KIF3B: variants seen among roughly 807,000 people sequenced by gnomAD.
KIF3B encodes kinesin-like protein KIF3B.
A neutral mutation model predicts 74.3 loss-of-function variants in KIF3B; 38 were observed. That is an observed-to-expected ratio of 0.51 (90% CI 0.39 to 0.67). The LOEUF is 0.67. Ranked by LOEUF, KIF3B falls within the 30% of genes least tolerant of loss-of-function variation. The pLI is 0.00. For synonymous variants in KIF3B, 326 were observed against 342.5 expected (o/e 0.95, Z 0.53); for missense variants, 649 against 932.0 (o/e 0.70, Z 3.95).
chr20:32,288,270 C>A (rs914487599), intron 1 of KIF3B, among the ~76,000 whole-genome samples: 4 of 152,028 alleles, frequency 2.6e-5, no homozygotes, highest in Admixed American at 2.0e-4. Flanking sequence ...GGGAAGATTG[C>A]TTGAGGCCAG....
intron 1 of KIF3B, among the ~76,000 whole-genome samples, chr20:32,308,559 C>T (rs1163121723): frequency 1.3e-5 from 2 of 151,844 alleles, no homozygotes; most frequent in Non-Finnish European, 2.9e-5. Flanking sequence ...TACAGGTGCC[C>T]ACCACCACGC....
In KIF3B at chr20:32,331,319, A is replaced by G; in HGVS notation, c.2244A>G (p.Ter748=). 6.2e-7 allele frequency: 1 copy of G among 1,605,740 alleles called. No homozygotes were observed. Among genetic ancestry groups the G allele is most frequent in the Non-Finnish European group, 8.5e-7 (1 of 1,176,928 alleles). Reference sequence around the variant, plus strand: ...AGTCTCGGGGGCTGGTTCCAAAGTAAAGCCAGCTTCTCCTCTCCCAGGGCG... The same window carrying G: ...AGTCTCGGGGGCTGGTTCCAAAGTAGAGCCAGCTTCTCCTCTCCCAGGGCG... ...YPQSRGLVPK[*] is the part of the protein sequence containing the mutation. The change falls in exon 9 of 9, where the codon TAA becomes TAG. Residue 748 remains the stop codon, a stop_retained_variant. Transcript: ENST00000375712.
rs2047900826 is a variant in KIF3B at position 32,325,747 on chromosome 20, AACCTCTGCC to A, written c.1749-1023_1749-1015del. ...CAGTGGTGTGATCTCGGCTCACTGC[AACCTCTGCC>A]CTCTGGGTTCAAGTGATTCTCCTGT... On this transcript the variant is annotated intron_variant, in intron 5 of 8. Coordinates refer to ENST00000375712, the MANE Select transcript of KIF3B (RefSeq NM_004798.4). Among the ~76,000 whole-genome samples the A allele has an allele frequency of 4.6e-5, 6 of 130,402 alleles. 1 individual carries two copies. The East Asian group carries it at 1.5e-3, about 32-fold the overall frequency. The allele number at this position is 130,402 out of a possible 152,430, so 85.5% of individuals were successfully genotyped here.
chr20:32,326,377 C>T (rs747417565), intron 5 of KIF3B, among the ~76,000 whole-genome samples: 6 of 152,090 alleles, frequency 3.9e-5, no homozygotes, highest in Non-Finnish European at 8.8e-5. Context: ...AAGTTAATGA[C>T]CTTGGTTATC....
rs576113168 is a variant in KIF3B at position 32,282,675 on chromosome 20, C to T, written c.-66+4910C>T. Among the ~76,000 whole-genome samples the T allele has an allele frequency of 1.1e-4, 17 of 152,270 alleles. No individual in the cohort carries two copies. In the South Asian group the frequency reaches 2.7e-3, roughly 24 times the overall value. On this transcript the variant is annotated intron_variant, in intron 1 of 8. Transcript: ENST00000375712. ...TGCTGTTGGCATTGCAGTGCTGACT[C>T]GGGATCTTGGCTGAGGGAGCCTGGC...
intron 2 of KIF3B, among the ~76,000 whole-genome samples, chr20:32,314,919 C>G (rs902377073): frequency 4.5e-4 from 68 of 152,326 alleles, no homozygotes; most frequent in African/African-American, 1.5e-3. Context: ...AGAGCCTGCT[C>G]TTGCCTTCCT....
intron 1 of KIF3B, among the ~76,000 whole-genome samples, chr20:32,283,625 C>T (rs1490431225): frequency 2.6e-5 from 4 of 151,914 alleles, no homozygotes; most frequent in African/African-American, 9.7e-5. Flanking sequence ...GCCTGGCCAA[C>T]ATGGGGAAAC....
chr20:32,311,404 T>C (rs748867359), intron 2 of KIF3B, among the ~76,000 whole-genome samples: 1 of 152,088 alleles, frequency 6.6e-6, no homozygotes, highest in Non-Finnish European at 1.5e-5. Context: ...TGAGAATAAT[T>C]ATTATGTATG....
chr20:32,304,706 T>G (rs1002165231), intron 1 of KIF3B, among the ~76,000 whole-genome samples: 3 of 152,154 alleles, frequency 2.0e-5, no homozygotes, highest in Admixed American at 1.3e-4. Flanking sequence ...TAAATGTGTA[T>G]TAATACATAT....
chr20:32,309,711 A>T lies in KIF3B; in HGVS notation c.-65-2A>T, dbSNP rs2047789926. ...GCTTATTTACTTTTGCTTTTTCTCT[A>T]GGACCGTAGCATCCTGAGACATTTT... On this transcript the variant is annotated splice_acceptor_variant, in intron 1 of 8. Coordinates refer to ENST00000375712, the MANE Select transcript of KIF3B (RefSeq NM_004798.4). LOFTEE classifies it low-confidence loss of function (5UTR_SPLICE). The T allele has an allele frequency of 3.2e-6, 5 of 1,539,448 alleles. No individual in the cohort carries two copies. The Admixed American group carries it at 1.0e-4, about 31-fold the overall frequency.
In KIF3B at chr20:32,316,484, A is replaced by C. The variant is rs1027228819; in HGVS notation, c.1507-43A>C. 5.0e-6 allele frequency: 8 copies of C among 1,612,308 alleles called. No homozygotes were observed. The Middle Eastern group carries it at 5.0e-4, about 100-fold the overall frequency. On this transcript the variant is annotated intron_variant, in intron 3 of 8. Transcript: ENST00000375712. ...CTAGCTTGGGGAACCCAGCATAGAC[A>C]CAGTCTCTAGGGCAAGCTGATGAAT...
chr20:32,322,686 ATATT>A lies in KIF3B; in HGVS notation c.1749-4081_1749-4078del, dbSNP rs1245809198. On this transcript the variant is annotated intron_variant, in intron 5 of 8. Coordinates refer to ENST00000375712, the MANE Select transcript of KIF3B (RefSeq NM_004798.4). ...TATATATATATTTATATATTTATATATATTTATATATATTTATATATTTATATAT... is the reference window on the plus strand; with the variant it reads ...TATATATATATTTATATATTTATATATATATATATTTATATATTTATATAT... Among the ~76,000 whole-genome samples, 268 of 48,280 alleles carry A rather than the reference ATATT, an allele frequency of 5.6e-3. 52 individuals are homozygous for A. The African/African-American group carries it at 0.062, about 11-fold the overall frequency. 31.7% of individuals were successfully genotyped at this position (48,280 alleles called of 152,430 possible).
At chr20:32,319,307 T>C (rs932051152) in intron 5 of KIF3B, among the ~76,000 whole-genome samples, 27 of 151,746 alleles carry the variant, frequency 1.8e-4, no homozygotes, top group African/African-American at 6.3e-4. Flanking sequence ...TCTTTTATCA[T>C]AGACATCCTA....
rs1555895040 is a variant in KIF3B at position 32,299,379 on chromosome 20, GTATATATATATA to G, written c.-65-10320_-65-10309del. Among the ~76,000 whole-genome samples the G allele has an allele frequency of 4.5e-3, 105 of 23,096 alleles. 4 individuals are homozygous for G. In the East Asian group the frequency reaches 0.099, roughly 22 times the overall value. The allele number at this position is 23,096 out of a possible 152,430, so 15.2% of individuals were successfully genotyped here. On this transcript the variant is annotated intron_variant, in intron 1 of 8. Transcript: ENST00000375712. ...CTTGTAACTACTGAATGGTGTGTGTGTATATATATATATATATATATATATTTTTTTTTTTTT... is the reference window on the plus strand; with the variant it reads ...CTTGTAACTACTGAATGGTGTGTGTGTATATATATATATTTTTTTTTTTTT...
intron 1 of KIF3B, among the ~76,000 whole-genome samples, chr20:32,298,033 C>T (rs2047724388): frequency 6.6e-6 from 1 of 151,544 alleles, no homozygotes; most frequent in Non-Finnish European, 1.5e-5. Context: ...TCGCTTGAAC[C>T]TGGGAGGCGG....
chr20:32,281,599 C>T (rs2047643180), intron 1 of KIF3B, among the ~76,000 whole-genome samples: 1 of 152,168 alleles, frequency 6.6e-6, no homozygotes, highest in Non-Finnish European at 1.5e-5. Flanking sequence ...TGCCTGTAGT[C>T]CCAGCTATTC....
chr20:32,323,441 C>T (rs1404789418), intron 5 of KIF3B, among the ~76,000 whole-genome samples: 1 of 151,694 alleles, frequency 6.6e-6, no homozygotes, highest in African/African-American at 2.4e-5. Flanking sequence ...CACTTTGTCG[C>T]CAGACTGGAG....
At chr20:32,322,863 C>A (rs1211610335) in intron 5 of KIF3B, among the ~76,000 whole-genome samples, 3 of 48,002 alleles carry the variant, frequency 6.2e-5, no homozygotes, top group Non-Finnish European at 9.8e-5. Flanking sequence ...TTTATATATA[C>A]ATATTCATAT....
intron 1 of KIF3B, among the ~76,000 whole-genome samples, chr20:32,299,390 TATATATA>T (rs2047731140): frequency 2.3e-5 from 1 of 42,690 alleles, no homozygotes; most frequent in Non-Finnish European, 4.2e-5. Flanking sequence ...TATATATATA[TATATATA>T]TATATATTTT....
Sources: allele counts gnomAD v4.1 joint callset (sites outside exome capture counted in the v4.1 genomes callset), GRCh38; gene constraint gnomAD v4.1.1; transcripts MANE v1.5; gene names NCBI Gene and HGNC (gene_info 2026-07-23, HGNC 2026-07-21).